CNOT9: variants seen among roughly 807,000 people sequenced by gnomAD.
The protein encoded by CNOT9 is RCD1 required for cell differentiation1 homolog.
In CNOT9, 8 loss-of-function variants were observed where a neutral mutation model predicts 37.4. The observed-to-expected ratio is 0.21, with a 90% CI of 0.13 to 0.39. The LOEUF is 0.39. Ranked by LOEUF, CNOT9 falls within the 10% of genes least tolerant of loss-of-function variation. CNOT9 has a pLI of 1.00. For missense variants in CNOT9, 154 were observed against 365.3 expected, an observed-to-expected ratio of 0.42 and a Z score of 4.71; for synonymous variants, 120 against 137.6, an observed-to-expected ratio of 0.87 and a Z score of 0.90.
Position 218,594,333 on chromosome 2 carries a change from C to T in CNOT9, c.*57C>T, listed in dbSNP as rs1241593776. Reference sequence around the variant, plus strand: ...AGTTGGGGAAAGGAGGGGGAACCTACGAGAAAAACAGCTCAGGTTTTATCA... The same window carrying T: ...AGTTGGGGAAAGGAGGGGGAACCTATGAGAAAAACAGCTCAGGTTTTATCA... On this transcript the variant is annotated 3_prime_UTR_variant, in exon 8 of 8. Coordinates refer to ENST00000273064, the MANE Select transcript of CNOT9 (RefSeq NM_005444.3). 1.8e-5 allele frequency: 27 copies of T among 1,523,712 alleles called. No homozygotes were observed. The highest frequency in any genetic ancestry group is 2.4e-5 in the East Asian group (1 of 41,134). 94.4% of individuals were successfully genotyped at this position (1,523,712 alleles called of 1,614,324 possible).
In CNOT9 at chr2:218,569,065, C is replaced by G. The variant is rs187156475; in HGVS notation, c.24+87C>G. 441 of 1,455,984 alleles carry G rather than the reference C, an allele frequency of 3.0e-4. 4 individuals are homozygous for G. In the African/African-American group the frequency reaches 5.5e-3, roughly 18 times the overall value. 90.2% of individuals were successfully genotyped at this position (1,455,984 alleles called of 1,614,324 possible). On this transcript the variant is annotated intron_variant, in intron 1 of 7. Transcript: ENST00000273064. Reference sequence around the variant, plus strand: ...TCTCTCCTAATTCCCGGTGTCGGGTCCCTAGTCTGATTTTTTTCTGCCCTC... The same window carrying G: ...TCTCTCCTAATTCCCGGTGTCGGGTGCCTAGTCTGATTTTTTTCTGCCCTC...
At position 218,596,348 on chromosome 2, in the gene CNOT9, G is replaced by A. The variant is rs1473464322; in HGVS notation, c.*2072G>A. 1 of 152,162 alleles carries A rather than the reference G, an allele frequency of 6.6e-6. No homozygotes were observed. Among genetic ancestry groups the A allele is most frequent in the East Asian group, 1.9e-4 (1 of 5,196 alleles). 9.4% of individuals were successfully genotyped at this position (152,162 alleles called of 1,614,324 possible). On this transcript the variant is annotated 3_prime_UTR_variant, in exon 8 of 8. Transcript: ENST00000273064. Reference sequence around the variant, plus strand: ...GATCCTGGTGTGTGTATTATATAAAGAGACCCCTCCCCTTATTTTGTGTTT... The same window carrying A: ...GATCCTGGTGTGTGTATTATATAAAAAGACCCCTCCCCTTATTTTGTGTTT...
intron 2 of CNOT9, among the ~76,000 whole-genome samples, chr2:218,581,716 T>C (rs1045851990): frequency 4.6e-5 from 7 of 152,208 alleles, no homozygotes; most frequent in East Asian, 1.9e-4. Context: ...TCCATCTCTA[T>C]TGCATTTAGC....
At chr2:218,570,954 A>G (rs867686525) in intron 1 of CNOT9, among the ~76,000 whole-genome samples, 1 of 152,220 alleles carries the variant, frequency 6.6e-6, no homozygotes, top group Non-Finnish European at 1.5e-5. Context: ...TCACTAGGTT[A>G]TATTTAGCTA....
intron 1 of CNOT9, chr2:218,573,955 T>C (rs898078664): frequency 1.9e-5 from 8 of 414,060 alleles, no homozygotes; most frequent in Middle Eastern, 7.7e-4. Context: ...ACAGGACTGT[T>C]GACTTTATTT....
intron 1 of CNOT9, among the ~76,000 whole-genome samples, chr2:218,569,371 G>T (rs1002929298): frequency 5.3e-5 from 8 of 152,198 alleles, no homozygotes; most frequent in Non-Finnish European, 1.2e-4. Context: ...ACGTCGCAGC[G>T]GGAAGGAAAT....
chr2:218,569,086 C>A, intron 1 of CNOT9, 108 bp downstream of exon 1: 3 of 1,220,782 alleles, frequency 2.5e-6, no homozygotes, highest in Non-Finnish European at 3.5e-6. Flanking sequence ...TTTTTTTCTG[C>A]CCTCAATCTC....
intron 2 of CNOT9, chr2:218,581,122 A>G (rs1574989628): frequency 6.0e-6 from 2 of 336,090 alleles, no homozygotes; most frequent in East Asian, 1.8e-4. Context: ...AAGGTACAAT[A>G]TATTCTATGG....
At position 218,592,937 on chromosome 2, in the gene CNOT9, A is replaced by G; in HGVS notation, c.731+230A>G. On this transcript the variant is annotated intron_variant, in intron 7 of 7. Transcript: ENST00000273064. This position sits in a 1 kb window ranked among gnomAD's most constrained non-coding sequence, Gnocchi z 4.1. The stretch of plus-strand genomic sequence containing the variant: ...TCCATCCTACTGTGAAATTCCAGAG[A>G]GTCTAGGCGATTCCAAAGGAAACCT... 1.9e-6 allele frequency: 1 copy of G among 534,226 alleles called. No homozygotes were observed. Among genetic ancestry groups the G allele is most frequent in the Non-Finnish European group, 3.3e-6 (1 of 301,230 alleles). The allele number at this position is 534,226 out of a possible 1,614,324, so 33.1% of individuals were successfully genotyped here.
chr2:218,576,221 T>C (rs1694164481), intron 1 of CNOT9, among the ~76,000 whole-genome samples: 1 of 152,246 alleles, frequency 6.6e-6, no homozygotes, highest in South Asian at 2.1e-4. Flanking sequence ...GAGAGTAAGA[T>C]ACATTTTGAG....
intron 1 of CNOT9, among the ~76,000 whole-genome samples, chr2:218,576,403 T>A (rs1247008708): frequency 1.3e-5 from 2 of 152,210 alleles, no homozygotes; most frequent in South Asian, 2.1e-4. Context: ...TGTTGGTGGT[T>A]CTCACTAAGT....
intron 4 of CNOT9, among the ~76,000 whole-genome samples, chr2:218,585,059 C>T (rs188241525): frequency 6.6e-6 from 1 of 152,054 alleles, no homozygotes; most frequent in East Asian, 1.9e-4. Context: ...TGGGACTTCT[C>T]CTCTTCCCTT....
chr2:218,579,871 T>G (rs13012678), intron 1 of CNOT9, among the ~76,000 whole-genome samples: 6,113 of 151,612 alleles, frequency 0.04, 160 homozygotes, highest in East Asian at 0.12. Context: ...CAAGCTGGAG[T>G]GCAATGGTGC....
chr2:218,572,688 ATGCTTG>A (rs1694037435), intron 1 of CNOT9: 1 of 985,298 alleles, frequency 1.0e-6, no homozygotes, highest in South Asian at 4.7e-5. Flanking sequence ...AATGGATGTT[ATGCTTG>A]TGAAACAACC....
intron 1 of CNOT9, among the ~76,000 whole-genome samples, chr2:218,569,568 C>CT (rs1693888490): frequency 1.3e-5 from 2 of 152,282 alleles, no homozygotes; most frequent in South Asian, 2.1e-4. Flanking sequence ...AATCCTACTT[C>CT]TCTTGGCATT....
chr2:218,593,115 T>G (rs1694834598), intron 7 of CNOT9: 1 of 229,126 alleles, frequency 4.4e-6, no homozygotes, highest in East Asian at 1.1e-4. Context: ...TATAAGTTTC[T>G]TGAGCTAATT....
rs1251000094 is a variant in CNOT9, at chr2:218,595,197, TCAATC to T, written c.*925_*929del. 1 of 152,142 alleles carries T rather than the reference TCAATC, an allele frequency of 6.6e-6. No individual in the cohort carries two copies. The highest frequency in any genetic ancestry group is 2.4e-5 in the African/African-American group (1 of 41,428). The allele number at this position is 152,142 out of a possible 1,614,324, so 9.4% of individuals were successfully genotyped here. A position where few individuals can be genotyped will look rare whatever the true frequency, so the allele number is the denominator to read the frequency against. On this transcript the variant is annotated 3_prime_UTR_variant, in exon 8 of 8. Transcript: ENST00000273064. ...CAAGGGGCGGTGGTGGACCTCACCT[TCAATC>T]CAAGTTTTCAAAGATATTTTCTCAA...
chr2:218,592,789 CT>C lies in CNOT9; in HGVS notation c.731+85del. ...TAATCTCATGGCATAGCTCCTGTGTCTTTAGGACAGGGAAGTGGGGATATAA... is the reference window on the plus strand; with the variant it reads ...TAATCTCATGGCATAGCTCCTGTGTCTTAGGACAGGGAAGTGGGGATATAA... On this transcript the variant is annotated intron_variant, in intron 7 of 7. Coordinates refer to ENST00000273064, the MANE Select transcript of CNOT9 (RefSeq NM_005444.3). This position sits in a 1 kb window ranked among gnomAD's most constrained non-coding sequence, Gnocchi z 4.1. The C allele has an allele frequency of 2.7e-6, 3 of 1,094,510 alleles. No homozygotes were observed. The highest frequency in any genetic ancestry group is 2.8e-6 in the Non-Finnish European group (2 of 713,540). 67.8% of individuals were successfully genotyped at this position (1,094,510 alleles called of 1,614,324 possible). A position where few individuals can be genotyped will look rare whatever the true frequency, so the allele number is the denominator to read the frequency against.
chr2:218,569,844 T>TA (rs1452126568), intron 1 of CNOT9, among the ~76,000 whole-genome samples: 3 of 152,210 alleles, frequency 2.0e-5, no homozygotes, highest in Admixed American at 1.3e-4. Flanking sequence ...TTCCTCTCCT[T>TA]AAACTGTTTA....
Sources: gnomAD v4.1 joint callset for allele counts (sites outside exome capture counted in the v4.1 genomes callset) on GRCh38, gnomAD v4.1.1 for gene constraint, Gnocchi (gnomAD v3.1) non-coding constraint, MANE v1.5 for transcripts, NCBI Gene and HGNC (gene_info 2026-07-23, HGNC 2026-07-21) for gene names.